The following CSMD1 variants were observed in gnomAD, a reference collection of about 807,000 sequenced individuals.
CSMD1 encodes the protein CUB and sushi domain-containing protein 1.
A neutral mutation model predicts 417.5 loss-of-function variants in CSMD1; 213 were observed. That is an observed-to-expected ratio of 0.51 (90% CI 0.46 to 0.57). The LOEUF is 0.57. CSMD1 is among the 20% of genes least tolerant of loss of function. CSMD1 has a pLI of 0.00. For missense variants in CSMD1, 6,923 were observed against 4,529.7 expected (o/e 1.53, Z -15.17); for synonymous variants, 2,862 against 1,736.8 (o/e 1.65, Z -16.11).
At chr8:4,124,823 G>A (rs1349489745) in intron 3 of CSMD1, among the ~76,000 whole-genome samples, 3 of 151,942 alleles carry the variant, frequency 2.0e-5, no homozygotes, top group East Asian at 3.9e-4. Context: ...AACCAATCAG[G>A]CCCACCAACC....
chr8:3,787,042 G>A (rs989654218), intron 5 of CSMD1, among the ~76,000 whole-genome samples: 1 of 152,150 alleles, frequency 6.6e-6, no homozygotes, highest in Non-Finnish European at 1.5e-5. Context: ...TTCTATGTGT[G>A]AAGTGTCATA....
intron 3 of CSMD1, among the ~76,000 whole-genome samples, chr8:4,418,113 A>G (rs1490652609): frequency 6.6e-6 from 1 of 152,072 alleles, no homozygotes; most frequent in African/African-American, 2.4e-5. Flanking sequence ...TTTAGCCAAC[A>G]AAGCACCTTT....
chr8:4,488,440 T>G (rs540359883), intron 2 of CSMD1, among the ~76,000 whole-genome samples: 46 of 151,864 alleles, frequency 3.0e-4, no homozygotes, highest in African/African-American at 9.4e-4. Flanking sequence ...AGGGCAGAGG[T>G]GAAGTAGTAT....
chr8:4,527,028 A>T (rs1485608417), intron 2 of CSMD1, among the ~76,000 whole-genome samples: 1 of 152,172 alleles, frequency 6.6e-6, no homozygotes, highest in Non-Finnish European at 1.5e-5. Flanking sequence ...GAGCTGTATA[A>T]TATTTCATAT....
chr8:4,447,751 TC>T (rs1798898493), intron 2 of CSMD1, among the ~76,000 whole-genome samples: 1 of 151,318 alleles, frequency 6.6e-6, no homozygotes, highest in African/African-American at 2.5e-5. Context: ...GATTTAAGAC[TC>T]TTTTGCAGTT....
rs191695586 is a variant in CSMD1 at position 4,606,238 on chromosome 8, G to A, written c.302+31104C>T. Among the ~76,000 whole-genome samples the A allele has an allele frequency of 1.8e-3, 269 of 152,192 alleles. 2 individuals carry two copies. Among genetic ancestry groups the A allele is most frequent in the African/African-American group, 6.3e-3 (261 of 41,504 alleles). On this transcript the variant is annotated intron_variant, in intron 2 of 69. Coordinates refer to ENST00000635120, the MANE Select transcript of CSMD1 (RefSeq NM_033225.6). ...TCTAAGAGTTGGAAGGAGAAAATATGCTTCAGTTAGAAATAAAACCTAATA... is the reference window on the plus strand; with the variant it reads ...TCTAAGAGTTGGAAGGAGAAAATATACTTCAGTTAGAAATAAAACCTAATA...
intron 18 of CSMD1, among the ~76,000 whole-genome samples, chr8:3,376,950 A>G (rs7828652): frequency 0.5 from 76,626 of 152,072 alleles, 19,589 homozygotes; most frequent in African/African-American, 0.55. Flanking sequence ...ACTATCAAAC[A>G]TGACTGACTG....
chr8:4,341,964 G>C (rs1800502829), intron 3 of CSMD1, among the ~76,000 whole-genome samples: 1 of 152,058 alleles, frequency 6.6e-6, no homozygotes, highest in African/African-American at 2.4e-5. Flanking sequence ...ATATTACCCT[G>C]GTTCAAGAGA....
At chr8:4,973,128 A>T (rs1469524456) in intron 1 of CSMD1, among the ~76,000 whole-genome samples, 1 of 152,212 alleles carries the variant, frequency 6.6e-6, no homozygotes, top group Non-Finnish European at 1.5e-5. Flanking sequence ...TATTAAATAT[A>T]AAACACACCA....
At chr8:4,465,560 A>G (rs1196414385) in intron 2 of CSMD1, among the ~76,000 whole-genome samples, 1 of 152,158 alleles carries the variant, frequency 6.6e-6, no homozygotes, top group Admixed American at 6.5e-5. Context: ...GAAGTCAAGT[A>G]AAGCAATGCC....
intron 40 of CSMD1, among the ~76,000 whole-genome samples, chr8:3,146,221 A>G (rs935353332): frequency 6.6e-6 from 1 of 152,144 alleles, no homozygotes; most frequent in African/African-American, 2.4e-5. Context: ...AGAAAGCTTC[A>G]TTGCATTTCT....
At chr8:3,475,019 C>T (rs1563073694) in intron 11 of CSMD1, among the ~76,000 whole-genome samples, 4 of 152,254 alleles carry the variant, frequency 2.6e-5, no homozygotes, top group Non-Finnish European at 5.9e-5. Flanking sequence ...TGTTCAGCTC[C>T]AGCCATATTT....
chr8:3,058,130 T>A (rs1330816596), intron 49 of CSMD1, among the ~76,000 whole-genome samples: 1 of 152,220 alleles, frequency 6.6e-6, no homozygotes, highest in Non-Finnish European at 1.5e-5. Context: ...CAGCGAGTCC[T>A]ATTCTCATCT....
At chr8:3,765,297 G>C (rs1435025925) in intron 5 of CSMD1, among the ~76,000 whole-genome samples, 1 of 152,082 alleles carries the variant, frequency 6.6e-6, no homozygotes, top group Non-Finnish European at 1.5e-5. Flanking sequence ...ACTCACTTTT[G>C]CCTGTGTAAA....
Position 2,999,865 on chromosome 8 carries a change from G to A in CSMD1, c.8203+93C>T, listed in dbSNP as rs757166941. ...AAAGTTTGCTGTTCCCTTTTACAGT[G>A]AAGATTAAACAGGTGTATATTGTGA... On this transcript the variant is annotated intron_variant, in intron 53 of 69. Transcript: ENST00000635120. 8 of 1,087,442 alleles carry A rather than the reference G, an allele frequency of 7.4e-6. No individual in the cohort carries two copies. In the African/African-American group the frequency reaches 8.0e-5, roughly 11 times the overall value. 67.4% of individuals were successfully genotyped at this position (1,087,442 alleles called of 1,614,324 possible).
At chr8:3,133,016 G>T (rs1334393435) in intron 41 of CSMD1, among the ~76,000 whole-genome samples, 1 of 152,210 alleles carries the variant, frequency 6.6e-6, no homozygotes, top group Non-Finnish European at 1.5e-5. Flanking sequence ...GGCCTCATAT[G>T]AGGTTAGCTG....
chr8:4,389,273 G>A (rs1048487055), intron 3 of CSMD1, among the ~76,000 whole-genome samples: 1 of 152,096 alleles, frequency 6.6e-6, no homozygotes, highest in Non-Finnish European at 1.5e-5. Context: ...GAAGAATACA[G>A]AACCAGGAGA....
At chr8:3,844,615 C>T (rs1244060990) in intron 5 of CSMD1, among the ~76,000 whole-genome samples, 1 of 152,094 alleles carries the variant, frequency 6.6e-6, no homozygotes, top group Non-Finnish European at 1.5e-5. Context: ...GGTGTCCTCC[C>T]ATCTGCAGAT....
intron 61 of CSMD1, among the ~76,000 whole-genome samples, chr8:2,961,440 C>T (rs10216750): frequency 0.057 from 8,592 of 152,062 alleles, 570 homozygotes; most frequent in African/African-American, 0.17. Flanking sequence ...GTATGTTCTT[C>T]TTATATAAGA....
Sources: gnomAD v4.1 joint callset for allele counts (sites outside exome capture counted in the v4.1 genomes callset) on GRCh38, gnomAD v4.1.1 for gene constraint, MANE v1.5 for transcripts, NCBI Gene and HGNC (gene_info 2026-07-23, HGNC 2026-07-21) for gene names.